The following RBFOX1 variants were observed in gnomAD, a reference collection of about 807,000 sequenced individuals.
RBFOX1 encodes RNA binding fox-1 homolog 1.
In RBFOX1, 8 loss-of-function variants were observed where a neutral mutation model predicts 57.7. That is an observed-to-expected ratio of 0.14 (90% CI 0.08 to 0.25). The LOEUF is 0.25. Ranked by LOEUF, RBFOX1 falls within the 10% of genes least tolerant of loss-of-function variation. The probability of loss-of-function intolerance (pLI) is 1.00; values close to 1 mark genes in which losing one functional copy is unlikely to be tolerated. For synonymous variants in RBFOX1, 326 were observed against 222.4 expected (o/e 1.47, Z -4.15); for missense variants, 611 against 548.5 (o/e 1.11, Z -1.14).
At chr16:6,407,594 A>AGAGAGAG (rs369941718) in intron 2 of RBFOX1, among the ~76,000 whole-genome samples, 1 of 149,200 alleles carries the variant, frequency 6.7e-6, no homozygotes, top group African/African-American at 2.5e-5. Context: ...AGAGAGAGAG[A>AGAGAGAG]AGTACATTCT....
At chr16:7,629,299 G>A (rs952703462) in intron 10 of RBFOX1, among the ~76,000 whole-genome samples, 10 of 152,246 alleles carry the variant, frequency 6.6e-5, no homozygotes, top group East Asian at 1.9e-4. Flanking sequence ...GACCCCACAC[G>A]CTTTGGAAGT....
In RBFOX1 at chr16:5,731,277, A is replaced by G. The variant is rs545530458; in HGVS notation, c.318+132316A>G. Among the ~76,000 whole-genome samples the G allele has an allele frequency of 2.6e-5, 4 of 152,044 alleles. No individual in the cohort carries two copies. The South Asian group carries it at 8.3e-4, about 32-fold the overall frequency. ...CACCAGCACGATAATGGTTGTCATC[A>G]TTGTCATCACTATCACCACCACCAC... is the stretch of plus-strand genomic sequence containing the variant. On this transcript the variant is annotated intron_variant, in intron 3 of 19. Transcript: ENST00000641259.
At chr16:6,654,464 T>G (rs1395700235) in intron 2 of RBFOX1, 139 bp from the exon 3 acceptor site, 2 of 648,654 alleles carry the variant, frequency 3.1e-6, no homozygotes, top group East Asian at 3.1e-5. Context: ...TAAAGAGCAA[T>G]GACTCGAGAA....
At chr16:7,263,920 T>TAA (rs34267221) in intron 4 of RBFOX1, among the ~76,000 whole-genome samples, 114 of 124,864 alleles carry the variant, frequency 9.1e-4, no homozygotes, top group African/African-American at 2.2e-3. Flanking sequence ...ATATATAAAT[T>TAA]AAAAAAAAAA....
intron 1 of RBFOX1, among the ~76,000 whole-genome samples, chr16:5,348,590 C>G (rs1316649516): frequency 1.3e-5 from 2 of 152,144 alleles, no homozygotes; most frequent in African/African-American, 2.4e-5. Flanking sequence ...TCTTAACCCC[C>G]CATTATTTCA....
chr16:6,280,627 T>C (rs1158909033), intron 1 of RBFOX1, among the ~76,000 whole-genome samples: 1 of 152,146 alleles, frequency 6.6e-6, no homozygotes, highest in African/African-American at 2.4e-5. Flanking sequence ...GTGGCATTAT[T>C]TAGCCCCACG....
chr16:6,860,275 C>G (rs1449525474), intron 3 of RBFOX1, among the ~76,000 whole-genome samples: 1 of 152,126 alleles, frequency 6.6e-6, no homozygotes, highest in Non-Finnish European at 1.5e-5. Flanking sequence ...TGTGGAAATA[C>G]ATTATTTAAT....
chr16:7,310,663 A>C (rs998388781), intron 4 of RBFOX1, among the ~76,000 whole-genome samples: 1 of 152,220 alleles, frequency 6.6e-6, no homozygotes, highest in Non-Finnish European at 1.5e-5. Context: ...TATTTTTTAA[A>C]ATTAACTTAC....
intron 2 of RBFOX1, among the ~76,000 whole-genome samples, chr16:6,587,081 A>G (rs942912380): frequency 3.9e-5 from 6 of 151,992 alleles, no homozygotes; most frequent in Non-Finnish European, 8.8e-5. Context: ...TACAGTACCT[A>G]ATTATTAACT....
At chr16:5,313,859 A>G (rs1201358364) in intron 1 of RBFOX1, among the ~76,000 whole-genome samples, 8 of 152,112 alleles carry the variant, frequency 5.3e-5, no homozygotes. Flanking sequence ...GACACAGCCA[A>G]ACCATTTCAA....
chr16:7,197,020 G>A (rs879839284), intron 4 of RBFOX1, among the ~76,000 whole-genome samples: 12 of 152,268 alleles, frequency 7.9e-5, no homozygotes, highest in East Asian at 3.9e-4. Context: ...ACTCCATTTC[G>A]AAGGTGCACA....
chr16:6,668,343 C>T (rs1158435176), intron 3 of RBFOX1, among the ~76,000 whole-genome samples: 1 of 152,154 alleles, frequency 6.6e-6, no homozygotes, highest in Non-Finnish European at 1.5e-5. Context: ...CACAGGGCAC[C>T]TGCCAGGTAT....
chr16:6,523,815 G>T (rs980359080), intron 2 of RBFOX1, among the ~76,000 whole-genome samples: 5 of 152,006 alleles, frequency 3.3e-5, no homozygotes, highest in African/African-American at 1.2e-4. Flanking sequence ...TGAAGGTACA[G>T]GTAAGATTTT....
chr16:5,351,120 C>T (rs1227054225), intron 1 of RBFOX1, among the ~76,000 whole-genome samples: 1 of 152,156 alleles, frequency 6.6e-6, no homozygotes, highest in East Asian at 1.9e-4. Context: ...GGATGTGTCT[C>T]CCATCTGATA....
intron 2 of RBFOX1, among the ~76,000 whole-genome samples, chr16:5,577,164 C>T (rs963260265): frequency 2.6e-5 from 4 of 152,240 alleles, no homozygotes; most frequent in African/African-American, 7.2e-5. Context: ...TATCAAATCA[C>T]ACATTTCCCC....
At chr16:6,983,205 C>G (rs778087347) in intron 3 of RBFOX1, among the ~76,000 whole-genome samples, 8 of 152,052 alleles carry the variant, frequency 5.3e-5, no homozygotes, top group East Asian at 1.9e-4. Context: ...TACTCATCCT[C>G]TGACTCTGTC....
intron 1 of RBFOX1, among the ~76,000 whole-genome samples, chr16:5,342,417 G>C (rs1037651972): frequency 1.1e-4 from 16 of 152,156 alleles, no homozygotes; most frequent in African/African-American, 3.9e-4. Context: ...TCAGTCTCTA[G>C]GTACAGAGGG....
intron 5 of RBFOX1, among the ~76,000 whole-genome samples, chr16:7,558,732 A>T (rs549919812): frequency 1.3e-5 from 2 of 152,330 alleles, no homozygotes; most frequent in South Asian, 4.1e-4. Flanking sequence ...AAAAGGCTGG[A>T]GCCCTGGAAT....
chr16:6,920,742 C>G (rs1224792365), intron 3 of RBFOX1, among the ~76,000 whole-genome samples: 2 of 152,178 alleles, frequency 1.3e-5, no homozygotes, highest in Non-Finnish European at 2.9e-5. Flanking sequence ...TTTACTTCAT[C>G]TGCAGTGGGC....
Sources: allele counts gnomAD v4.1 joint callset (sites outside exome capture counted in the v4.1 genomes callset), GRCh38; gene constraint gnomAD v4.1.1; transcripts MANE v1.5; gene names NCBI Gene and HGNC (gene_info 2026-07-23, HGNC 2026-07-21).